DYTN: variants seen among roughly 807,000 people sequenced by gnomAD.
DYTN encodes dystrotelin.
In DYTN, 75 loss-of-function variants were observed where a neutral mutation model predicts 69.6. The observed-to-expected ratio is 1.08, with a 90% CI of 0.89 to 1.31. DYTN has a LOEUF of 1.31. DYTN is among the 50% of genes most tolerant of loss of function. The pLI is 0.00. For synonymous variants in DYTN, 252 were observed against 249.1 expected, an observed-to-expected ratio of 1.01 and a Z score of -0.11; for missense variants, 726 against 688.4, an observed-to-expected ratio of 1.05 and a Z score of -0.61.
chr2:206,695,619 T>C (rs1293684380), intron 7 of DYTN, among the ~76,000 whole-genome samples: 7 of 152,206 alleles, frequency 4.6e-5, no homozygotes, highest in African/African-American at 1.7e-4. Context: ...ACTATTGTGA[T>C]GTTAGTGGGG....
chr2:206,691,876 G>A (rs1699867117), intron 9 of DYTN, among the ~76,000 whole-genome samples: 1 of 152,184 alleles, frequency 6.6e-6, no homozygotes, highest in Admixed American at 6.5e-5. Flanking sequence ...GAAAAGATTA[G>A]AGAATTATAA....
chr2:206,655,369 T>C (rs1205710171), intron 11 of DYTN, among the ~76,000 whole-genome samples: 1 of 151,798 alleles, frequency 6.6e-6, no homozygotes. Flanking sequence ...TCTCAGTCTC[T>C]TGAGTAGCTA....
chr2:206,690,423 C>T (rs542533998), intron 9 of DYTN, among the ~76,000 whole-genome samples: 41 of 152,118 alleles, frequency 2.7e-4, no homozygotes, highest in African/African-American at 9.4e-4. Flanking sequence ...AGAGGGAAGG[C>T]CACAAAAAAG....
chr2:206,660,791 T>G (rs1370846637), intron 11 of DYTN, among the ~76,000 whole-genome samples: 1 of 152,210 alleles, frequency 6.6e-6, no homozygotes, highest in Non-Finnish European at 1.5e-5. Flanking sequence ...CTGTAGAGTA[T>G]TTTAGAATCG....
rs1232090378 is a variant in DYTN at position 206,707,577 on chromosome 2, T to C, written c.95-74A>G. 10 of 1,438,996 alleles carry C rather than the reference T, an allele frequency of 6.9e-6. No homozygotes were observed. In the Admixed American group the frequency reaches 2.2e-4, roughly 32 times the overall value. 89.1% of individuals were successfully genotyped at this position (1,438,996 alleles called of 1,614,324 possible). On this transcript the variant is annotated intron_variant, in intron 2 of 11. Coordinates refer to ENST00000452335, the MANE Select transcript of DYTN (RefSeq NM_001093730.1). Reference sequence around the variant, plus strand: ...AAGGCTTCAAATAAAGCAAATGTCATTTGGTGTTTTATAATTAAGACTTTT... The same window carrying C: ...AAGGCTTCAAATAAAGCAAATGTCACTTGGTGTTTTATAATTAAGACTTTT...
intron 9 of DYTN, among the ~76,000 whole-genome samples, chr2:206,692,616 T>A (rs1283508906): frequency 6.6e-6 from 1 of 152,216 alleles, no homozygotes; most frequent in Admixed American, 6.5e-5. Flanking sequence ...TGTTCAATAA[T>A]GTATTGCTTG....
intron 11 of DYTN, among the ~76,000 whole-genome samples, chr2:206,656,448 T>A (rs962884571): frequency 2.1e-4 from 32 of 152,174 alleles, no homozygotes; most frequent in African/African-American, 7.7e-4. Flanking sequence ...TGTATGTATA[T>A]CTTTTGATTG....
chr2:206,652,955 T>C (rs1699404708), intron 11 of DYTN, among the ~76,000 whole-genome samples: 1 of 152,168 alleles, frequency 6.6e-6, no homozygotes, highest in South Asian at 2.1e-4. Flanking sequence ...AAAAATAAGA[T>C]CACAGGAAAT....
chr2:206,699,599 T>G (rs770574456), intron 7 of DYTN, 128 bp downstream of exon 7: 12 of 1,166,032 alleles, frequency 1.0e-5, no homozygotes, highest in Non-Finnish European at 1.4e-5. Context: ...AGGAAATCAT[T>G]GAGCCAAAAA....
intron 2 of DYTN, among the ~76,000 whole-genome samples, chr2:206,710,185 CTTT>C (rs910814821): frequency 3.3e-5 from 5 of 151,156 alleles, no homozygotes; most frequent in African/African-American, 1.2e-4. Context: ...TTTGAAAATA[CTTT>C]TTTTTTGCAA....
At chr2:206,713,254 A>G (rs1196221399) in intron 1 of DYTN, among the ~76,000 whole-genome samples, 1 of 152,234 alleles carries the variant, frequency 6.6e-6, no homozygotes, top group South Asian at 2.1e-4. Flanking sequence ...AAGAATATTT[A>G]AAATCTATTC....
intron 1 of DYTN, among the ~76,000 whole-genome samples, chr2:206,712,151 G>A (rs1229047177): frequency 6.6e-6 from 1 of 152,070 alleles, no homozygotes; most frequent in Non-Finnish European, 1.5e-5. Context: ...CAGCAACATC[G>A]CCTGGGAACT....
At chr2:206,674,446 GA>G in intron 9 of DYTN, among the ~76,000 whole-genome samples, 1 of 152,166 alleles carries the variant, frequency 6.6e-6, no homozygotes, top group African/African-American at 2.4e-5. Context: ...AAAAATTTAT[GA>G]AACTATTATA....
intron 2 of DYTN, among the ~76,000 whole-genome samples, chr2:206,708,144 G>GC (rs753086266): frequency 1.3e-5 from 2 of 152,168 alleles, no homozygotes; most frequent in Non-Finnish European, 2.9e-5. Flanking sequence ...TAAAACTACA[G>GC]CTGCTTACAA....
intron 10 of DYTN, among the ~76,000 whole-genome samples, chr2:206,663,908 T>G (rs1232579202): frequency 2.0e-5 from 3 of 152,170 alleles, no homozygotes; most frequent in Non-Finnish European, 4.4e-5. Flanking sequence ...ATGTCAAAAT[T>G]ATGTTCATAA....
intron 2 of DYTN, 76 bp from the exon 3 acceptor site, chr2:206,707,579 TGG>T (rs1401204638): frequency 7.0e-7 from 1 of 1,431,384 alleles, no homozygotes; most frequent in East Asian, 2.5e-5. Flanking sequence ...AAATGTCATT[TGG>T]TGTTTTATAA....
intron 9 of DYTN, among the ~76,000 whole-genome samples, chr2:206,678,494 T>A (rs1480615995): frequency 6.6e-6 from 1 of 152,210 alleles, no homozygotes; most frequent in African/African-American, 2.4e-5. Context: ...GAACAATGTA[T>A]AAGAATTTTA....
intron 1 of DYTN, among the ~76,000 whole-genome samples, chr2:206,716,293 G>C (rs1348524183): frequency 2.0e-5 from 3 of 152,102 alleles, no homozygotes; most frequent in Non-Finnish European, 4.4e-5. Flanking sequence ...GGATTAGAGT[G>C]CTGAACCAGG....
At chr2:206,695,074 A>C (rs551303136) in intron 7 of DYTN, among the ~76,000 whole-genome samples, 197 bp from the exon 8 acceptor site, 1 of 152,196 alleles carries the variant, frequency 6.6e-6, no homozygotes, top group Non-Finnish European at 1.5e-5. Context: ...ACATCTTCAT[A>C]TGATAGTATT....
Sources: allele counts gnomAD v4.1 joint callset (sites outside exome capture counted in the v4.1 genomes callset), GRCh38; gene constraint gnomAD v4.1.1; transcripts MANE v1.5; gene names NCBI Gene and HGNC (gene_info 2026-07-23, HGNC 2026-07-21).